Variants in MROH1 observed in about 807,000 individuals in gnomAD.
MROH1 encodes the protein maestro heat like repeat family member 1, also known as maestro heat-like repeat-containing protein family member 1.
A neutral mutation model predicts 116.5 loss-of-function variants in MROH1; 117 were observed. That is an observed-to-expected ratio of 1.00 (90% CI 0.86 to 1.17). MROH1 has a LOEUF of 1.17. Among genes scored for constraint, MROH1 ranks in the 50% most tolerant of loss-of-function variants. MROH1 has a pLI of 0.00. For missense variants in MROH1, 1,873 were observed against 1,338.5 expected, an observed-to-expected ratio of 1.40 and a Z score of -6.23; for synonymous variants, 921 against 583.9, an observed-to-expected ratio of 1.58 and a Z score of -8.32.
At position 144,215,322 on chromosome 8, in the gene MROH1, A is replaced by G. The variant is rs116857920; in HGVS notation, c.1142-5278A>G. On this transcript the variant is annotated intron_variant, in intron 12 of 43. Transcript: ENST00000326134. The stretch of plus-strand genomic sequence containing the variant: ...ACATCATGATGAAGATGACCTTAAC[A>G]CTATAGGAAATGTACAGAAACACCG... Among the ~76,000 whole-genome samples, 25 of 152,314 alleles carry G rather than the reference A, an allele frequency of 1.6e-4. No individual in the cohort carries two copies. The East Asian group carries it at 4.4e-3, about 27-fold the overall frequency.
rs967682671 is a variant in MROH1 at position 144,221,870 on chromosome 8, G to A, written c.1215+1197G>A. Among the ~76,000 whole-genome samples the A allele has an allele frequency of 1.2e-4, 18 of 152,150 alleles. 1 individual carries two copies. In the East Asian group the frequency reaches 3.5e-3, roughly 29 times the overall value. On this transcript the variant is annotated intron_variant, in intron 13 of 43. Transcript: ENST00000326134. ...GGGGATGCTGGACGTGAGAGCTGAA[G>A]GGGCAGAGGCGTGGTCACGATGCTG...
At chr8:144,184,451 C>G (rs947907229) in intron 7 of MROH1, among the ~76,000 whole-genome samples, 1 of 152,148 alleles carries the variant, frequency 6.6e-6, no homozygotes, top group African/African-American at 2.4e-5. Flanking sequence ...AGCAGAAAGT[C>G]ACATAATTTG....
Position 144,259,260 on chromosome 8 carries a change from G to T in MROH1, c.3950G>T (p.Gly1317Val). Residue 1317 changes from glycine to valine, a missense_variant, in exon 37 of 44, where the codon GGG becomes GTG. Transcript: ENST00000326134. Reference sequence around the variant, plus strand: ...CCCAGGGCCATGGCTGAGCACGCAGGGCCCCGACTCCCCCTGGTGCTGAAG... The same window carrying T: ...CCCAGGGCCATGGCTGAGCACGCAGTGCCCCGACTCCCCCTGGTGCTGAAG... Reference protein sequence around the residue: ...RLARAMAEHAGPRLPLVLKTL... With the variant: ...RLARAMAEHAVPRLPLVLKTL... 1.4e-6 allele frequency: 1 copy of T among 714,430 alleles called. No individual in the cohort carries two copies. 44.3% of individuals were successfully genotyped at this position (714,430 alleles called of 1,614,324 possible). A position where few individuals can be genotyped will look rare whatever the true frequency, so the allele number is the denominator to read the frequency against.
Position 144,260,249 on chromosome 8 carries a change from C to A in MROH1, c.4255C>A (p.Pro1419Thr). 1.3e-6 allele frequency: 1 copy of A among 766,332 alleles called. No homozygotes were observed. The highest frequency in any genetic ancestry group is 1.3e-5 in the South Asian group (1 of 74,414). 47.5% of individuals were successfully genotyped at this position (766,332 alleles called of 1,614,324 possible). ...TGGCGGGCTGGACGACGGGGACAAC[C>A]CTCACAGCCCAGTGGCCCTGGAGGC... ...MIGGLDDGDN[P>T]HSPVALEAML... The change falls in exon 39 of 44, where the codon CCT becomes ACT. Residue 1419 changes from proline to threonine, a missense_variant. Pro to Thr is a conservative substitution (Grantham distance 38). Coordinates refer to ENST00000326134, the MANE Select transcript of MROH1 (RefSeq NM_032450.3).
chr8:144,261,378 C>T (rs1845024501), intron 43 of MROH1, 29 bp downstream of exon 43: 2 of 700,840 alleles, frequency 2.9e-6, no homozygotes, highest in Admixed American at 4.0e-5. Flanking sequence ...GGCCCCTCCG[C>T]TGGGCCCTGC....
At position 144,260,624 on chromosome 8, in the gene MROH1, A is replaced by G. The variant is rs1390413748; in HGVS notation, c.4381-53A>G. On this transcript the variant is annotated intron_variant, in intron 39 of 43. Coordinates refer to ENST00000326134, the MANE Select transcript of MROH1 (RefSeq NM_032450.3). ...ATCAATGGCAGGGGGCTAGGCAGGC[A>G]GGCCTGCAGGGGCACAGCCTGTGAG... is the stretch of plus-strand genomic sequence containing the variant. 6 of 771,400 alleles carry G rather than the reference A, an allele frequency of 7.8e-6. No homozygotes were observed. The African/African-American group carries it at 8.5e-5, about 11-fold the overall frequency. 47.8% of individuals were successfully genotyped at this position (771,400 alleles called of 1,614,324 possible).
chr8:144,186,752 A>G (rs376128653), intron 7 of MROH1, among the ~76,000 whole-genome samples: 2 of 152,334 alleles, frequency 1.3e-5, no homozygotes, highest in Admixed American at 6.5e-5. Flanking sequence ...ACTGATCGAC[A>G]TAAGAAGGGA....
chr8:144,236,922 T>G (rs1840131817), intron 14 of MROH1, among the ~76,000 whole-genome samples: 1 of 93,382 alleles, frequency 1.1e-5, no homozygotes, highest in East Asian at 4.7e-4. Context: ...TTTTTTTTTT[T>G]TGAGATGGAG....
intron 1 of MROH1, among the ~76,000 whole-genome samples, chr8:144,156,883 A>C (rs1327502496): frequency 6.7e-6 from 1 of 149,544 alleles, no homozygotes; most frequent in African/African-American, 2.5e-5. Context: ...CCTGGGTTCA[A>C]GCAATTCTCT....
intron 7 of MROH1, among the ~76,000 whole-genome samples, chr8:144,184,754 A>G (rs1826526848): frequency 6.6e-6 from 1 of 152,170 alleles, no homozygotes; most frequent in South Asian, 2.1e-4. Flanking sequence ...ACCCCCAGCT[A>G]CAGAGCACGA....
chr8:144,223,856 C>T (rs1211285209), intron 14 of MROH1, among the ~76,000 whole-genome samples: 1 of 152,216 alleles, frequency 6.6e-6, no homozygotes. Context: ...AGAACAGACA[C>T]GCCGCCCTCC....
At chr8:144,168,489 TG>T in intron 4 of MROH1, 49 bp downstream of exon 4, 1 of 1,551,216 alleles carries the variant, frequency 6.4e-7, no homozygotes. Context: ...CATGGTCGGT[TG>T]GGGCTTACTT....
intron 12 of MROH1, among the ~76,000 whole-genome samples, chr8:144,214,667 C>T (rs2132205713): frequency 6.6e-6 from 1 of 152,232 alleles, no homozygotes; most frequent in East Asian, 1.9e-4. Flanking sequence ...CCGCGGCCAC[C>T]CCAGCCATTG....
chr8:144,238,178 T>C (rs1190452923), intron 14 of MROH1, among the ~76,000 whole-genome samples: 1 of 152,116 alleles, frequency 6.6e-6, no homozygotes, highest in Non-Finnish European at 1.5e-5. Context: ...TTTTTTTTTT[T>C]TTTCTGTGTG....
intron 7 of MROH1, among the ~76,000 whole-genome samples, chr8:144,181,459 T>C (rs528429176): frequency 3.9e-5 from 6 of 152,266 alleles, no homozygotes; most frequent in Non-Finnish European, 8.8e-5. Flanking sequence ...CTGGTGACTT[T>C]GGGTTCAGAT....
Position 144,244,218 on chromosome 8 carries a change from T to G in MROH1, c.2556-4T>G, listed in dbSNP as rs889607613. 1.1e-4 allele frequency: 80 copies of G among 717,368 alleles called. No individual in the cohort carries two copies. The highest frequency in any genetic ancestry group is 2.5e-4 in the Middle Eastern group (1 of 3,956). The allele number at this position is 717,368 out of a possible 1,614,324, so 44.4% of individuals were successfully genotyped here. On this transcript the variant is annotated splice_region_variant and splice_polypyrimidine_tract_variant and intron_variant, in intron 26 of 43. Coordinates refer to ENST00000326134, the MANE Select transcript of MROH1 (RefSeq NM_032450.3). ...TTGTCTGGGGCCCTTAACTTGCCTC[T>G]CAGCTCCGTGGAGCCAGCGCTGGAC...
intron 2 of MROH1, among the ~76,000 whole-genome samples, chr8:144,161,699 T>C (rs899295015): frequency 6.6e-6 from 1 of 152,250 alleles, no homozygotes; most frequent in Non-Finnish European, 1.5e-5. Flanking sequence ...CAAGTCCATG[T>C]GCCCATTTGT....
In MROH1 at chr8:144,240,607, C is replaced by T. The variant is rs1238923822; in HGVS notation, c.1865C>T (p.Ala622Val). 12 of 717,472 alleles carry T rather than the reference C, an allele frequency of 1.7e-5. No individual in the cohort carries two copies. Among genetic ancestry groups the T allele is most frequent in the Admixed American group, 4.0e-5 (2 of 50,000 alleles). The allele number at this position is 717,472 out of a possible 1,614,324, so 44.4% of individuals were successfully genotyped here. A position where few individuals can be genotyped will look rare whatever the true frequency, so the allele number is the denominator to read the frequency against. ...ACCCTGGCCATCATTTCTGACAACGCGTGGATCTGCCAGCTGAGCCTGGAG... is the reference window on the plus strand; with the variant it reads ...ACCCTGGCCATCATTTCTGACAACGTGTGGATCTGCCAGCTGAGCCTGGAG... Reference protein sequence around the residue: ...RDTLAIISDNAWICQLSLELC... With the variant: ...RDTLAIISDNVWICQLSLELC... Residue 622 changes from alanine (A) to valine (V), a missense_variant, in exon 20 of 44, where the codon GCG becomes GTG. Physicochemically the swap from Ala to Val is moderately conservative, Grantham distance 64. Coordinates refer to ENST00000326134, the MANE Select transcript of MROH1 (RefSeq NM_032450.3).
intron 1 of MROH1, among the ~76,000 whole-genome samples, chr8:144,148,467 C>T (rs1815943797): frequency 6.6e-6 from 1 of 152,068 alleles, no homozygotes; most frequent in Non-Finnish European, 1.5e-5. Flanking sequence ...CGGCCCTCCC[C>T]GGGAGCGCGG....
Sources: gnomAD v4.1 joint callset for allele counts (sites outside exome capture counted in the v4.1 genomes callset) on GRCh38, gnomAD v4.1.1 for gene constraint, MANE v1.5 for transcripts, NCBI Gene and HGNC (gene_info 2026-07-23, HGNC 2026-07-21) for gene names.